NOA1: variants seen among roughly 807,000 people sequenced by gnomAD.
NOA1 encodes nitric oxide-associated protein 1.
Under a neutral mutation model 58.4 loss-of-function variants are expected in NOA1, and 35 were observed. The observed-to-expected ratio is 0.60, with a 90% CI of 0.46 to 0.79. The LOEUF (loss-of-function observed/expected upper bound fraction) is 0.79. Ranked by LOEUF, NOA1 falls within the 30% of genes least tolerant of loss-of-function variation. NOA1 has a pLI of 0.00. For synonymous variants in NOA1, 397 were observed against 373.4 expected (o/e 1.06, Z -0.73); for missense variants, 895 against 894.6 (o/e 1.00, Z -0.01).
intron 5 of NOA1, among the ~76,000 whole-genome samples, chr4:56,965,969 T>C (rs1387651354): frequency 6.7e-6 from 1 of 149,796 alleles, no homozygotes; most frequent in Non-Finnish European, 1.5e-5. Context: ...CTCGAGGAGC[T>C]GGGATTACAG....
intron 5 of NOA1, among the ~76,000 whole-genome samples, chr4:56,965,504 G>C (rs1721684220): frequency 6.6e-6 from 1 of 152,064 alleles, no homozygotes; most frequent in Non-Finnish European, 1.5e-5. Flanking sequence ...TAATGAATGT[G>C]TTCAGTCAAG....
intron 5 of NOA1, among the ~76,000 whole-genome samples, chr4:56,965,011 T>C (rs1391229868): frequency 6.6e-6 from 1 of 152,116 alleles, no homozygotes. Flanking sequence ...TAATTTTTTT[T>C]TTTTTGAGAT....
chr4:56,969,274 CTTCT>C (rs1193017355), intron 3 of NOA1, among the ~76,000 whole-genome samples: 1 of 152,146 alleles, frequency 6.6e-6, no homozygotes, highest in Non-Finnish European at 1.5e-5. Context: ...AACTTGTAAA[CTTCT>C]TTCTTAACAA....
chr4:56,972,317 G>A (rs1260081889), intron 3 of NOA1, among the ~76,000 whole-genome samples: 1 of 152,198 alleles, frequency 6.6e-6, no homozygotes, highest in Admixed American at 6.5e-5. Flanking sequence ...CAGCACAGCT[G>A]TAGGAAATGA....
In NOA1 at chr4:56,976,654, C is replaced by T. The variant is rs1164866615; in HGVS notation, c.932G>A (p.Arg311Lys). Residue 311 changes from arginine to lysine, a missense_variant, in exon 1 of 7, where the codon AGG becomes AAG. Arg to Lys is a conservative substitution (Grantham distance 26). Around this residue, in one of 3 missense-constraint regions of NOA1, gnomAD observed 680 missense variants for 656.5 expected, o/e 1.04. Coordinates refer to ENST00000264230, the MANE Select transcript of NOA1 (RefSeq NM_032313.4). Reference protein sequence around the residue: ...NPPNWSRTVVRDVRLISAKTG... With the variant: ...NPPNWSRTVVKDVRLISAKTG... ...CTTGGCGCTGATCAGCCGCACGTCC[C>T]TGACCACTGTGCGGGACCAGTTCGG... The T allele has an allele frequency of 1.2e-6, 2 of 1,614,056 alleles. No homozygotes were observed. The highest frequency in any genetic ancestry group is 2.2e-5 in the East Asian group (1 of 44,894).
Position 56,972,880 on chromosome 4 carries a change from T to G in NOA1, c.1515+268A>C, listed in dbSNP as rs559931491. ...ACAGCTTTCATGAATGAATCAGAAC[T>G]GAGTCTAAAATGGAAGTATACTTCT... On this transcript the variant is annotated intron_variant, in intron 3 of 6. Coordinates refer to ENST00000264230, the MANE Select transcript of NOA1 (RefSeq NM_032313.4). 3.3e-5 allele frequency among the ~76,000 whole-genome samples: 5 copies of G among 152,318 alleles called. No homozygotes were observed. In the South Asian group the frequency reaches 1.0e-3, roughly 32 times the overall value.
At chr4:56,964,771 G>A (rs1721667747) in intron 5 of NOA1, among the ~76,000 whole-genome samples, 1 of 152,168 alleles carries the variant, frequency 6.6e-6, no homozygotes, top group South Asian at 2.1e-4. Flanking sequence ...CCTGGCAGAA[G>A]CCTCTGGACA....
At chr4:56,975,776 T>C (rs943762607) in intron 1 of NOA1, among the ~76,000 whole-genome samples, 2 of 152,176 alleles carry the variant, frequency 1.3e-5, no homozygotes, top group African/African-American at 4.8e-5. Flanking sequence ...CTCAGGAGGC[T>C]GAGGGAGGAG....
At chr4:56,972,473 C>T (rs537802926) in intron 3 of NOA1, among the ~76,000 whole-genome samples, 1 of 152,264 alleles carries the variant, frequency 6.6e-6, no homozygotes, top group South Asian at 2.1e-4. Context: ...ATAGGTATTA[C>T]CTTAGTCCCA....
In NOA1 at chr4:56,977,055, G is replaced by T. The variant is rs778035395; in HGVS notation, c.531C>A (p.Thr177=). The T allele has an allele frequency of 3.5e-5, 56 of 1,581,040 alleles. No individual in the cohort carries two copies. The highest frequency in any genetic ancestry group is 4.7e-5 in the Non-Finnish European group (55 of 1,168,692). ...ACAGCAGCCAGCAGCGCTGGCACACGGTCCGTGCCAGCCCGCCGTCTGCCT... is the reference window on the plus strand; with the variant it reads ...ACAGCAGCCAGCAGCGCTGGCACACTGTCCGTGCCAGCCCGCCGTCTGCCT... ...TAEADGGLAR[T]VCQRCWLLSH... The change falls in exon 1 of 7, where the codon ACC becomes ACA. Residue 177 remains threonine, a synonymous_variant. Coordinates refer to ENST00000264230, the MANE Select transcript of NOA1 (RefSeq NM_032313.4).
chr4:56,970,525 G>A (rs1726339603), intron 3 of NOA1, among the ~76,000 whole-genome samples: 3 of 151,522 alleles, frequency 2.0e-5, no homozygotes. Flanking sequence ...CATGATCTCG[G>A]CTCACTGCAA....
chr4:56,974,090 G>GTGATTCGGCGACCACCGA, intron 1 of NOA1, 68 bp from the exon 2 acceptor site: 1 of 812,216 alleles, frequency 1.2e-6, no homozygotes, highest in Non-Finnish European at 1.7e-6. Context: ...ACATTTTTGA[G>GTGATTCGGCGACCACCGA]GATCTACACT....
chr4:56,964,762 C>T (rs1048914350), intron 5 of NOA1, among the ~76,000 whole-genome samples: 2 of 152,156 alleles, frequency 1.3e-5, no homozygotes, highest in Non-Finnish European at 2.9e-5. Flanking sequence ...GGGCAAGCAC[C>T]TGGCAGAAGC....
chr4:56,968,386 G>C lies in NOA1; in HGVS notation c.1645C>G (p.Gln549Glu), dbSNP rs1393588425. 6.2e-7 allele frequency: 1 copy of C among 1,607,338 alleles called. No individual in the cohort carries two copies. Among genetic ancestry groups the C allele is most frequent in the East Asian group, 2.2e-5 (1 of 44,814 alleles). The change falls in exon 4 of 7, where the codon CAG becomes GAG. Residue 549 changes from glutamine to glutamate, a missense_variant and splice_region_variant. By Grantham distance (29) the Gln-to-Glu change is conservative. This residue lies in a region of NOA1 where 212 missense variants were observed against 221.3 expected (regional missense o/e 0.96). Transcript: ENST00000264230. ...TTAATAGTACAGACTTTTCTTACCT[G>C]CAGGAAATCTATGCGGCCTATAGCA... is the stretch of plus-strand genomic sequence containing the variant. The part of the protein sequence containing the change: ...LGAIGRIDFL[Q>E]GNQSAWFTVV...
In NOA1 at chr4:56,976,810, C is replaced by G; in HGVS notation, c.776G>C (p.Gly259Ala). 6.2e-7 allele frequency: 1 copy of G among 1,611,298 alleles called. No homozygotes were observed. The highest frequency in any genetic ancestry group is 8.5e-7 in the Non-Finnish European group (1 of 1,178,512). ...TCGCTCCCGCAGCCTCTGCCGGTAG[C>G]CAGGAGCATCCTGGGGCAGGAGGTC... ...KVDLLPQDAP[G>A]YRQRLRERLW... The change falls in exon 1 of 7, where the codon GGC becomes GCC. Residue 259 changes from glycine (G) to alanine (A), a missense_variant. This residue lies in a region of NOA1 where 680 missense variants were observed against 656.5 expected (regional missense o/e 1.04). Coordinates refer to ENST00000264230, the MANE Select transcript of NOA1 (RefSeq NM_032313.4).
chr4:56,977,418 G>A lies in NOA1; in HGVS notation c.168C>T (p.Pro56=), dbSNP rs1199524079. 3 of 1,614,076 alleles carry A rather than the reference G, an allele frequency of 1.9e-6. No individual in the cohort carries two copies. Among genetic ancestry groups the A allele is most frequent in the African/African-American group, 1.3e-5 (1 of 74,954 alleles). Residue 56 remains proline, a synonymous_variant, in exon 1 of 7, where the codon CCC becomes CCT. Transcript: ENST00000264230. ...CTTCTCCAAAGCCCTCCGTGTCCAC[G>A]GGGTCATAAGGAAGCTCGCGTCCCA... ...SSLGRELPYD[P]VDTEGFGEGG...
At chr4:56,965,714 G>GTGTC (rs1491029034) in intron 5 of NOA1, among the ~76,000 whole-genome samples, 1 of 94,936 alleles carries the variant, frequency 1.1e-5, no homozygotes, top group African/African-American at 3.8e-5. Context: ...GTGTGTGTGT[G>GTGTC]TGTGTGTGTG....
chr4:56,969,888 C>T (rs1721784643), intron 3 of NOA1, among the ~76,000 whole-genome samples: 1 of 151,958 alleles, frequency 6.6e-6, no homozygotes, highest in Admixed American at 6.6e-5. Context: ...TCAAGCAATT[C>T]TCCTGTCTCA....
At chr4:56,973,470 A>G in intron 2 of NOA1, 117 bp from the exon 3 acceptor site, 2 of 865,398 alleles carry the variant, frequency 2.3e-6, no homozygotes, top group East Asian at 4.9e-5. Context: ...AAGTGAGACC[A>G]TAATGATACT....
Sources: allele counts gnomAD v4.1 joint callset (sites outside exome capture counted in the v4.1 genomes callset), GRCh38; gene constraint gnomAD v4.1.1; regional missense constraint gnomAD v4.1.1; transcripts MANE v1.5; gene names NCBI Gene and HGNC (gene_info 2026-07-23, HGNC 2026-07-21).